Variants in PALM2AKAP2 observed in about 807,000 individuals in gnomAD.
The protein encoded by PALM2AKAP2 is PALM2-AKAP2 fusion protein.
In PALM2AKAP2, 37 loss-of-function variants were observed where a neutral mutation model predicts 71.5. That is an observed-to-expected ratio of 0.52 (90% CI 0.40 to 0.68). The LOEUF (loss-of-function observed/expected upper bound fraction) is 0.68. PALM2AKAP2 is among the 30% of genes least tolerant of loss of function. PALM2AKAP2 has a pLI of 0.00. For synonymous variants in PALM2AKAP2, 468 were observed against 478.8 expected (o/e 0.98, Z 0.29); for missense variants, 1,224 against 1,191.8 (o/e 1.03, Z -0.40).
intron 1 of PALM2AKAP2, chr9:109,765,492 C>G (rs202235727): frequency 1.9e-4 from 29 of 156,532 alleles, no homozygotes; most frequent in East Asian, 1.1e-3. Flanking sequence ...TCATCATCAT[C>G]ATCATCATCA....
chr9:109,749,702 T>A (rs918874014), intron 1 of PALM2AKAP2, among the ~76,000 whole-genome samples: 1 of 152,202 alleles, frequency 6.6e-6, no homozygotes, highest in Non-Finnish European at 1.5e-5. Flanking sequence ...AAATCAGATG[T>A]GTGATCTCCA....
rs543510221 is a variant in PALM2AKAP2 at position 110,101,307 on chromosome 9, C to T, written c.157-34820C>T. On this transcript the variant is annotated intron_variant, in intron 1 of 3. Transcript: ENST00000374525. ...TGTGTTTGGGGTCCTGCACCCTCCA[C>T]TCCACTCCTGAGTGTCCAAGGGTGG... Among the ~76,000 whole-genome samples the T allele has an allele frequency of 7.5e-4, 114 of 152,190 alleles. 6 individuals are homozygous for T. The highest frequency in any genetic ancestry group is 2.1e-4 in the South Asian group (1 of 4,830).
intron 7 of PALM2AKAP2, among the ~76,000 whole-genome samples, chr9:110,042,410 T>A (rs1833525619): frequency 1.3e-5 from 2 of 151,218 alleles, no homozygotes; most frequent in African/African-American, 4.9e-5. Context: ...TGGCAGTAAG[T>A]CTATGGATGG....
At chr9:109,975,676 T>A (rs894140832) in intron 6 of PALM2AKAP2, among the ~76,000 whole-genome samples, 6 of 152,180 alleles carry the variant, frequency 3.9e-5, no homozygotes, top group Admixed American at 6.5e-5. Context: ...TTAAAAATAG[T>A]CTTGGAGCTT....
chr9:110,080,981 A>G (rs2118695192), intron 1 of PALM2AKAP2, among the ~76,000 whole-genome samples: 1 of 152,318 alleles, frequency 6.6e-6, no homozygotes, highest in Middle Eastern at 3.4e-3. Flanking sequence ...GCGCCCAGCC[A>G]AATGTTAAAA....
At chr9:109,924,474 C>T (rs1344326953) in intron 4 of PALM2AKAP2, among the ~76,000 whole-genome samples, 1 of 152,092 alleles carries the variant, frequency 6.6e-6, no homozygotes, top group Admixed American at 6.5e-5. Flanking sequence ...GTGGCAGGCG[C>T]CTGTAATCCC....
intron 1 of PALM2AKAP2, among the ~76,000 whole-genome samples, chr9:109,747,600 G>A (rs1379951531): frequency 1.3e-5 from 2 of 152,130 alleles, no homozygotes; most frequent in Non-Finnish European, 2.9e-5. Flanking sequence ...GCATATATGA[G>A]TTAGAGGCCA....
chr9:109,709,423 T>C (rs369706214), intron 1 of PALM2AKAP2, among the ~76,000 whole-genome samples: 1 of 152,334 alleles, frequency 6.6e-6, no homozygotes, highest in African/African-American at 2.4e-5. Flanking sequence ...CTCCCCTGGA[T>C]GCTGCTTGCT....
intron 3 of PALM2AKAP2, among the ~76,000 whole-genome samples, chr9:109,896,123 T>C (rs1830195334): frequency 6.7e-6 from 1 of 150,308 alleles, no homozygotes. Flanking sequence ...AGGCGGAAGT[T>C]GCAGTGAGCC....
intron 6 of PALM2AKAP2, among the ~76,000 whole-genome samples, chr9:109,997,306 C>A (rs77870160): frequency 3.8e-4 from 58 of 152,214 alleles, no homozygotes; most frequent in East Asian, 1.7e-3. Flanking sequence ...ATCTGCAGAG[C>A]GGGGATAATA....
chr9:109,839,022 C>T (rs1828573291), intron 1 of PALM2AKAP2, among the ~76,000 whole-genome samples: 1 of 152,180 alleles, frequency 6.6e-6, no homozygotes, highest in South Asian at 2.1e-4. Context: ...GGAATCCTTC[C>T]TAACTCATTT....
intron 1 of PALM2AKAP2, among the ~76,000 whole-genome samples, chr9:109,682,119 T>A (rs1827744318): frequency 6.6e-6 from 1 of 152,176 alleles, no homozygotes; most frequent in Non-Finnish European, 1.5e-5. Context: ...CTTGGACCAG[T>A]CAAGACCAAT....
intron 6 of PALM2AKAP2, among the ~76,000 whole-genome samples, chr9:109,982,688 G>A (rs1832298828): frequency 6.6e-6 from 1 of 152,216 alleles, no homozygotes; most frequent in African/African-American, 2.4e-5. Flanking sequence ...TGCAGTGCAT[G>A]TTCATAGTCC....
At chr9:109,915,333 C>A (rs1199078442) in intron 3 of PALM2AKAP2, among the ~76,000 whole-genome samples, 2 of 152,210 alleles carry the variant, frequency 1.3e-5, no homozygotes, top group Non-Finnish European at 2.9e-5. Context: ...TCAAGGACTT[C>A]ATGTTTCTGG....
chr9:109,705,886 G>T (rs1170151374), intron 1 of PALM2AKAP2, among the ~76,000 whole-genome samples: 1 of 152,146 alleles, frequency 6.6e-6, no homozygotes. Context: ...TAGGTCAATT[G>T]AATTAACTGA....
At chr9:109,699,116 G>A (rs1166043497) in intron 1 of PALM2AKAP2, among the ~76,000 whole-genome samples, 1 of 151,918 alleles carries the variant, frequency 6.6e-6, no homozygotes, top group African/African-American at 2.4e-5. Context: ...ACGACAAATG[G>A]GCAAAAAGAA....
intron 1 of PALM2AKAP2, among the ~76,000 whole-genome samples, chr9:109,674,871 A>G (rs1294798476): frequency 6.6e-6 from 1 of 152,038 alleles, no homozygotes; most frequent in Non-Finnish European, 1.5e-5. Flanking sequence ...TGATGGTTTG[A>G]CTTATAATTT....
At chr9:110,138,282 G>A (rs953797464) in exon 2 of PALM2AKAP2, 1 of 1,614,230 alleles carries the variant, frequency 6.2e-7, no homozygotes, top group South Asian at 1.1e-5. Context: ...AGCTATTTCA[G>A]CAAGTACTCG....
chr9:109,748,429 C>A (rs1463030671), intron 1 of PALM2AKAP2, among the ~76,000 whole-genome samples: 1 of 152,114 alleles, frequency 6.6e-6, no homozygotes, highest in Non-Finnish European at 1.5e-5. Context: ...GCGATAGGAG[C>A]AGCTCTTGTA....
Sources: gnomAD v4.1 joint callset for allele counts (sites outside exome capture counted in the v4.1 genomes callset) on GRCh38, gnomAD v4.1.1 for gene constraint, MANE v1.5 for transcripts, NCBI Gene and HGNC (gene_info 2026-07-23, HGNC 2026-07-21) for gene names.